Variants in SPOCK3 observed in about 807,000 individuals in gnomAD.
SPOCK3 encodes SPARC (osteonectin), cwcv and kazal like domains proteoglycan 3.
Under a neutral mutation model 56.6 loss-of-function variants are expected in SPOCK3, and 30 were observed. The ratio of observed to expected loss-of-function variants is 0.53; its 90% CI spans 0.40 to 0.72. SPOCK3 has a LOEUF of 0.72. Ranked by LOEUF, SPOCK3 falls within the 30% of genes least tolerant of loss-of-function variation. The pLI, the probability that SPOCK3 is intolerant of heterozygous loss-of-function variation, is 0.00. For missense variants in SPOCK3, 527 were observed against 530.0 expected (o/e 0.99, Z 0.06); for synonymous variants, 196 against 183.3 (o/e 1.07, Z -0.56).
rs1297044531 is a variant in SPOCK3 at position 167,191,614 on chromosome 4, AT to A, written c.189+42370del. Among the ~76,000 whole-genome samples the A allele has an allele frequency of 2.8e-5, 4 of 145,126 alleles. 1 individual carries two copies. The highest frequency in any genetic ancestry group is 7.9e-5 in the African/African-American group (3 of 38,052). ...TTGGTAGTAGATTGAAATGCAAATAATTTTTTATATTGCTTTGTATGATACA... is the reference window on the plus strand; with the variant it reads ...TTGGTAGTAGATTGAAATGCAAATAATTTTTATATTGCTTTGTATGATACA... On this transcript the variant is annotated intron_variant, in intron 2 of 10. Transcript: ENST00000357545.
At chr4:166,771,183 T>G (rs999945454) in intron 7 of SPOCK3, among the ~76,000 whole-genome samples, 6 of 151,554 alleles carry the variant, frequency 4.0e-5, no homozygotes, top group African/African-American at 1.5e-4. Flanking sequence ...TTTCACCAAA[T>G]TTATTTCATT....
chr4:166,875,451 C>T (rs1732975755), intron 6 of SPOCK3, among the ~76,000 whole-genome samples: 1 of 151,986 alleles, frequency 6.6e-6, no homozygotes, highest in Non-Finnish European at 1.5e-5. Context: ...ATGATCAAAG[C>T]GTTCACATAC....
At chr4:167,200,248 A>G (rs566842510) in intron 2 of SPOCK3, among the ~76,000 whole-genome samples, 45 of 152,222 alleles carry the variant, frequency 3.0e-4, no homozygotes, top group Middle Eastern at 3.4e-3. Context: ...ATCAGCTTAG[A>G]TATTTCTATG....
rs561701902 is a variant in SPOCK3 at position 166,736,164 on chromosome 4, GA to G, written c.1133-1075del. Among the ~76,000 whole-genome samples the G allele has an allele frequency of 2.4e-3, 372 of 152,100 alleles. 3 individuals carry two copies. The highest frequency in any genetic ancestry group is 8.4e-3 in the African/African-American group (347 of 41,502). On this transcript the variant is annotated intron_variant, in intron 10 of 10. Coordinates refer to ENST00000357545, the MANE Select transcript of SPOCK3 (RefSeq NM_001040159.2). ...CACTAAAATTCCCATCTTAACTGAAGAAAATATTTAGTTCTCCAACTTCATC... is the reference window on the plus strand; with the variant it reads ...CACTAAAATTCCCATCTTAACTGAAGAAATATTTAGTTCTCCAACTTCATC...
chr4:166,999,237 C>T (rs1384754092), intron 4 of SPOCK3, among the ~76,000 whole-genome samples: 2 of 152,132 alleles, frequency 1.3e-5, no homozygotes, highest in African/African-American at 2.4e-5. Context: ...TTCAAACCCG[C>T]ATACCTTTGT....
intron 3 of SPOCK3, among the ~76,000 whole-genome samples, chr4:167,019,874 C>T (rs1170555284): frequency 6.6e-6 from 1 of 152,126 alleles, no homozygotes; most frequent in African/African-American, 2.4e-5. Flanking sequence ...AATTATCTCT[C>T]CTTCACCATC....
chr4:166,830,443 A>G (rs370557013), intron 6 of SPOCK3, among the ~76,000 whole-genome samples: 1 of 152,142 alleles, frequency 6.6e-6, no homozygotes, highest in African/African-American at 2.4e-5. Flanking sequence ...TTCAGCTTGT[A>G]TCATATTAAG....
chr4:167,194,079 T>C (rs1188112228), intron 2 of SPOCK3, among the ~76,000 whole-genome samples: 1 of 152,180 alleles, frequency 6.6e-6, no homozygotes, highest in Non-Finnish European at 1.5e-5. Flanking sequence ...TTCCTCTGCT[T>C]TCTTCACTCT....
At chr4:167,181,598 G>T (rs920445314) in intron 2 of SPOCK3, among the ~76,000 whole-genome samples, 1 of 151,866 alleles carries the variant, frequency 6.6e-6, no homozygotes, top group Non-Finnish European at 1.5e-5. Flanking sequence ...TTTCCCCTCC[G>T]CTTCCTTCAT....
At chr4:167,154,494 T>C (rs1407966909) in intron 2 of SPOCK3, among the ~76,000 whole-genome samples, 1 of 152,124 alleles carries the variant, frequency 6.6e-6, no homozygotes, top group Non-Finnish European at 1.5e-5. Flanking sequence ...GCTGCAATGC[T>C]AAAAGATTAT....
chr4:166,915,930 T>A (rs565896629), intron 4 of SPOCK3, among the ~76,000 whole-genome samples: 334 of 152,318 alleles, frequency 2.2e-3, no homozygotes, highest in Middle Eastern at 3.4e-3. Context: ...CTAAGCTGGC[T>A]GAAAAACTCT....
At chr4:166,972,978 A>G (rs1745549172) in intron 4 of SPOCK3, among the ~76,000 whole-genome samples, 1 of 152,118 alleles carries the variant, frequency 6.6e-6, no homozygotes, top group African/African-American at 2.4e-5. Context: ...TCAGATGTAC[A>G]TGTTGATATC....
chr4:167,142,682 T>C (rs1220091682), intron 2 of SPOCK3, among the ~76,000 whole-genome samples: 2 of 151,906 alleles, frequency 1.3e-5, no homozygotes, highest in Non-Finnish European at 2.9e-5. Context: ...AAAGTAGCAA[T>C]AGATGCAAAG....
At chr4:166,899,508 C>CTTTTTTTTTTTTTTTTTTT (rs781766258) in intron 5 of SPOCK3, among the ~76,000 whole-genome samples, 1 of 119,100 alleles carries the variant, frequency 8.4e-6, no homozygotes, top group African/African-American at 3.1e-5. Context: ...TTCTTTCTTT[C>CTTTTTTTTTTTTTTTTTTT]TTTTTTTTTT....
At chr4:166,972,598 T>C (rs2150076629) in intron 4 of SPOCK3, among the ~76,000 whole-genome samples, 2 of 152,296 alleles carry the variant, frequency 1.3e-5, no homozygotes, top group Middle Eastern at 6.8e-3. Flanking sequence ...TATAATCCTA[T>C]GTCAAATGCT....
chr4:167,083,819 C>CTTAGAAA (rs1219201213), intron 2 of SPOCK3, among the ~76,000 whole-genome samples: 1 of 152,072 alleles, frequency 6.6e-6, no homozygotes, highest in African/African-American at 2.4e-5. Context: ...ACACTGAAGT[C>CTTAGAAA]TTAGAAATTA....
At chr4:167,098,094 G>T (rs945419480) in intron 2 of SPOCK3, among the ~76,000 whole-genome samples, 1 of 151,834 alleles carries the variant, frequency 6.6e-6, no homozygotes, top group African/African-American at 2.4e-5. Flanking sequence ...ATCTATTAGC[G>T]GCAGGAATGC....
intron 5 of SPOCK3, among the ~76,000 whole-genome samples, chr4:166,910,568 C>T (rs1737158702): frequency 6.6e-6 from 1 of 152,086 alleles, no homozygotes; most frequent in African/African-American, 2.4e-5. Flanking sequence ...CTAAGTAACT[C>T]TAACATCATC....
chr4:166,886,945 T>G (rs896157401), intron 6 of SPOCK3, among the ~76,000 whole-genome samples: 2 of 152,178 alleles, frequency 1.3e-5, no homozygotes, highest in African/African-American at 2.4e-5. Context: ...AGCAAAATCC[T>G]GTACTTGCGT....
Sources: allele counts gnomAD v4.1 joint callset (sites outside exome capture counted in the v4.1 genomes callset), GRCh38; gene constraint gnomAD v4.1.1; transcripts MANE v1.5; gene names NCBI Gene and HGNC (gene_info 2026-07-23, HGNC 2026-07-21).